Variants in XPR1 observed in about 807,000 individuals in gnomAD.
XPR1 encodes solute carrier family 53 member 1.
Under a neutral mutation model 87.5 loss-of-function variants are expected in XPR1, and 28 were observed. The observed-to-expected ratio is 0.32, with a 90% CI of 0.24 to 0.44. The LOEUF is 0.44. Ranked by LOEUF, XPR1 falls within the 20% of genes least tolerant of loss-of-function variation. The pLI is 1.00. For synonymous variants in XPR1, 300 were observed against 306.1 expected (o/e 0.98, Z 0.21); for missense variants, 559 against 862.3 (o/e 0.65, Z 4.41).
At chr1:180,850,349 A>G (rs908477804) in intron 11 of XPR1, among the ~76,000 whole-genome samples, 3 of 152,098 alleles carry the variant, frequency 2.0e-5, no homozygotes, top group South Asian at 2.1e-4. Context: ...CTCTGTGCCT[A>G]TCTCCTATTA....
intron 9 of XPR1, among the ~76,000 whole-genome samples, chr1:180,834,280 A>G (rs1651193392): frequency 6.6e-6 from 1 of 152,116 alleles, no homozygotes; most frequent in Non-Finnish European, 1.5e-5. Context: ...TGGTTTCACC[A>G]TGTTGGCCAG....
At chr1:180,778,673 G>A (rs1648816162) in intron 2 of XPR1, among the ~76,000 whole-genome samples, 1 of 151,876 alleles carries the variant, frequency 6.6e-6, no homozygotes, top group African/African-American at 2.4e-5. Flanking sequence ...ATGTCCCTTT[G>A]TCCCCTGAAA....
chr1:180,632,392 C>A, intron 1 of XPR1, 122 bp downstream of exon 1: 2 of 1,313,544 alleles, frequency 1.5e-6, no homozygotes, highest in South Asian at 1.3e-5. Flanking sequence ...GACCCGCTGC[C>A]GCGGGGAGCC....
intron 9 of XPR1, among the ~76,000 whole-genome samples, chr1:180,826,219 G>A (rs958609882): frequency 6.6e-6 from 1 of 152,070 alleles, no homozygotes; most frequent in African/African-American, 2.4e-5. Context: ...TCCGGAAGGG[G>A]ACTTCTGTTT....
chr1:180,739,366 CTATTGGCTTTT>C (rs2102020638), intron 2 of XPR1, among the ~76,000 whole-genome samples: 1 of 152,234 alleles, frequency 6.6e-6, no homozygotes, highest in African/African-American at 2.4e-5. Context: ...TTTTGTCTTT[CTATTGGCTTTT>C]GCCTTTTTAT....
At chr1:180,647,547 C>T (rs753225315) in intron 1 of XPR1, among the ~76,000 whole-genome samples, 2 of 152,168 alleles carry the variant, frequency 1.3e-5, no homozygotes, top group African/African-American at 2.4e-5. Flanking sequence ...CATTCTTCTT[C>T]ATTGCGTTCT....
intron 2 of XPR1, among the ~76,000 whole-genome samples, chr1:180,731,473 A>G (rs1238236109): frequency 6.6e-6 from 1 of 152,184 alleles, no homozygotes; most frequent in Non-Finnish European, 1.5e-5. Flanking sequence ...TGGTGCTGTG[A>G]TCTGGTGAGT....
In XPR1 at chr1:180,887,723, G is replaced by C. The variant is rs181806863; in HGVS notation, c.*3657G>C. 2.6e-5 allele frequency: 4 copies of C among 152,286 alleles called. No individual in the cohort carries two copies. Among genetic ancestry groups the C allele is most frequent in the Admixed American group, 2.6e-4 (4 of 15,302 alleles). 9.4% of individuals were successfully genotyped at this position (152,286 alleles called of 1,614,324 possible). A position where few individuals can be genotyped will look rare whatever the true frequency, so the allele number is the denominator to read the frequency against. ...TAAAAACCGTTTAAAGAAGGAAAATGGGCCCCAGCCCCTAGGATCCCTGAC... is the reference window on the plus strand; with the variant it reads ...TAAAAACCGTTTAAAGAAGGAAAATCGGCCCCAGCCCCTAGGATCCCTGAC... On this transcript the variant is annotated 3_prime_UTR_variant, in exon 15 of 15. Transcript: ENST00000367590.
At chr1:180,721,523 T>G (rs1428339774) in intron 2 of XPR1, among the ~76,000 whole-genome samples, 1 of 152,162 alleles carries the variant, frequency 6.6e-6, no homozygotes, top group Non-Finnish European at 1.5e-5. Flanking sequence ...AAACCGTCAT[T>G]TTACTCCTGG....
chr1:180,746,629 G>A (rs1647266558), intron 2 of XPR1, among the ~76,000 whole-genome samples: 1 of 152,070 alleles, frequency 6.6e-6, no homozygotes, highest in Non-Finnish European at 1.5e-5. Flanking sequence ...ATACATAGTA[G>A]TGGGATTACT....
At chr1:180,883,811 C>T (rs1652921977) in intron 14 of XPR1, among the ~76,000 whole-genome samples, 195 bp from the exon 15 acceptor site, 1 of 151,978 alleles carries the variant, frequency 6.6e-6, no homozygotes, top group South Asian at 2.1e-4. Flanking sequence ...TGGTTGTGAT[C>T]TAGTTTCTTA....
At chr1:180,710,002 T>C (rs1657708058) in intron 2 of XPR1, among the ~76,000 whole-genome samples, 2 of 151,816 alleles carry the variant, frequency 1.3e-5, no homozygotes, top group South Asian at 4.2e-4. Context: ...GCCTCCCAGG[T>C]TCAAGCAATT....
At chr1:180,826,743 G>A (rs1037862185) in intron 9 of XPR1, among the ~76,000 whole-genome samples, 1 of 152,036 alleles carries the variant, frequency 6.6e-6, no homozygotes, top group Non-Finnish European at 1.5e-5. Context: ...CTTGAAAACT[G>A]CAGTTCCTAT....
chr1:180,683,682 A>G (rs1485981720), intron 2 of XPR1, among the ~76,000 whole-genome samples: 2 of 151,916 alleles, frequency 1.3e-5, no homozygotes, highest in Admixed American at 1.3e-4. Flanking sequence ...ATGGTATCCC[A>G]TTGTGGTTTT....
intron 2 of XPR1, among the ~76,000 whole-genome samples, chr1:180,768,729 A>G (rs1263464939): frequency 6.6e-6 from 1 of 152,220 alleles, no homozygotes; most frequent in African/African-American, 2.4e-5. Context: ...TGCCTAACTA[A>G]GGTTTTACTA....
At position 180,863,718 on chromosome 1, in the gene XPR1, C is replaced by T; in HGVS notation, c.1512C>T (p.His504=). ...ALYSTHKERG[H]SDTMVFFYLW... Reference sequence around the variant, plus strand: ...CTCTTCTTTCTTCAGAACGAGGTCACTCGGACACTATGGTGTTCTTTTACC... The same window carrying T: ...CTCTTCTTTCTTCAGAACGAGGTCATTCGGACACTATGGTGTTCTTTTACC... The change falls in exon 12 of 15, where the codon CAC becomes CAT. Residue 504 remains histidine, a synonymous_variant. Transcript: ENST00000367590. 1 of 1,581,048 alleles carries T rather than the reference C, an allele frequency of 6.3e-7. No individual in the cohort carries two copies. Among genetic ancestry groups the T allele is most frequent in the Non-Finnish European group, 8.6e-7 (1 of 1,168,476 alleles).
intron 2 of XPR1, among the ~76,000 whole-genome samples, chr1:180,735,959 A>G (rs1446791225): frequency 6.6e-6 from 1 of 152,178 alleles, no homozygotes; most frequent in African/African-American, 2.4e-5. Context: ...GTATCTATGA[A>G]TACTAGACAC....
chr1:180,786,975 A>G (rs1649165390), intron 2 of XPR1, among the ~76,000 whole-genome samples: 1 of 152,220 alleles, frequency 6.6e-6, no homozygotes, highest in South Asian at 2.1e-4. Flanking sequence ...GTAAAAATAA[A>G]TAGCCATTTA....
At chr1:180,723,751 A>G (rs895118577) in intron 2 of XPR1, among the ~76,000 whole-genome samples, 14 of 152,174 alleles carry the variant, frequency 9.2e-5, no homozygotes, top group African/African-American at 3.4e-4. Flanking sequence ...AAAATTCTCC[A>G]TCATATTTTT....
Sources: allele counts gnomAD v4.1 joint callset (sites outside exome capture counted in the v4.1 genomes callset), GRCh38; gene constraint gnomAD v4.1.1; transcripts MANE v1.5; gene names NCBI Gene and HGNC (gene_info 2026-07-23, HGNC 2026-07-21).